COL22A1: variants seen among roughly 807,000 people sequenced by gnomAD.
COL22A1 encodes collagen alpha-1(XXII) chain.
Under a neutral mutation model 248.9 loss-of-function variants are expected in COL22A1, and 221 were observed. The observed-to-expected ratio is 0.89, with a 90% confidence interval of 0.80 to 0.99. COL22A1 has a LOEUF of 0.99. Ranked by LOEUF, COL22A1 falls within the 50% of genes least tolerant of loss-of-function variation. COL22A1 has a pLI of 0.00. For synonymous variants in COL22A1, 891 were observed against 793.4 expected, an observed-to-expected ratio of 1.12 and a Z score of -2.07; for missense variants, 2,240 against 2,179.0, an observed-to-expected ratio of 1.03 and a Z score of -0.56.
At chr8:138,715,594 A>G (rs1034749009) in intron 30 of COL22A1, 88 bp downstream of exon 30, 4 of 710,914 alleles carry the variant, frequency 5.6e-6, no homozygotes, top group African/African-American at 3.7e-5. Flanking sequence ...AAAAAAAAAG[A>G]TAGAGTATAT....
chr8:138,621,606 C>T (rs187685096), intron 52 of COL22A1, among the ~76,000 whole-genome samples: 15 of 152,292 alleles, frequency 9.8e-5, no homozygotes, highest in East Asian at 5.8e-4. Flanking sequence ...CAGTGAACTC[C>T]GGGGTCAGCC....
At chr8:138,625,578 A>G (rs1489381308) in intron 51 of COL22A1, among the ~76,000 whole-genome samples, 1 of 152,226 alleles carries the variant, frequency 6.6e-6, no homozygotes, top group Non-Finnish European at 1.5e-5. Context: ...ATTTTGCAGT[A>G]TGTGTCAAGA....
intron 22 of COL22A1, among the ~76,000 whole-genome samples, chr8:138,739,296 A>C (rs2131267978): frequency 1.3e-5 from 2 of 152,244 alleles, no homozygotes; most frequent in South Asian, 4.1e-4. Context: ...TGAATCTGCC[A>C]AATGCATTCC....
chr8:138,779,423 T>C, intron 14 of COL22A1, 86 bp downstream of exon 14: 1 of 867,908 alleles, frequency 1.2e-6, no homozygotes, highest in Admixed American at 1.9e-5. Context: ...TATCTGAGCA[T>C]CTCTTCTGCA....
chr8:138,616,016 C>T lies in COL22A1; in HGVS notation c.3909G>A (p.Gly1303=), dbSNP rs763437414. ...SGAMGLPGQE[G]LPGKDGDTGP... ...CCCCACTTACATCTTTTCCTGGTAA[C>T]CCTTCCTGACCAGGAAGCCCCATGG... Residue 1303 remains glycine (G), a synonymous_variant, in exon 55 of 65, where the codon GGG becomes GGA. Transcript: ENST00000303045. 1 of 1,613,552 alleles carries T rather than the reference C, an allele frequency of 6.2e-7. No homozygotes were observed. The highest frequency in any genetic ancestry group is 8.5e-7 in the Non-Finnish European group (1 of 1,179,656).
chr8:138,884,705 C>G (rs750606466), intron 1 of COL22A1, among the ~76,000 whole-genome samples: 1 of 152,092 alleles, frequency 6.6e-6, no homozygotes, highest in Non-Finnish European at 1.5e-5. Context: ...CTTGGAGTCA[C>G]GTGCCACCAC....
rs145335898 is a variant in COL22A1, at chr8:138,674,256, A to G, written c.3150+2302T>C. ...TTTGAGGCCCAGCACAAGATATGAC[A>G]CAGGACTTCTCAGCAAATGGCAATG... On this transcript the variant is annotated intron_variant, in intron 41 of 64. Coordinates refer to ENST00000303045, the MANE Select transcript of COL22A1 (RefSeq NM_152888.3). Among the ~76,000 whole-genome samples, 732 of 152,310 alleles carry G rather than the reference A, an allele frequency of 4.8e-3. 11 individuals are homozygous for G. The highest frequency in any genetic ancestry group is 0.017 in the African/African-American group (697 of 41,570).
intron 60 of COL22A1, among the ~76,000 whole-genome samples, chr8:138,600,138 A>G (rs1304414037): frequency 6.6e-6 from 1 of 152,188 alleles, no homozygotes; most frequent in Non-Finnish European, 1.5e-5. Context: ...TGATTTGGGA[A>G]CTATGGCAAG....
intron 46 of COL22A1, among the ~76,000 whole-genome samples, chr8:138,647,092 C>T (rs1044458340): frequency 2.0e-5 from 3 of 152,168 alleles, no homozygotes; most frequent in African/African-American, 4.8e-5. Flanking sequence ...TACCATCCCC[C>T]GCCCCCCACC....
chr8:138,857,000 C>T (rs1253604812), intron 3 of COL22A1, among the ~76,000 whole-genome samples: 2 of 152,254 alleles, frequency 1.3e-5, no homozygotes, highest in African/African-American at 4.8e-5. Context: ...TGTGCCTGCC[C>T]CTCTTTCTTT....
intron 21 of COL22A1, among the ~76,000 whole-genome samples, chr8:138,752,070 CTCAGGCAAG>C (rs1410052252): frequency 6.6e-6 from 1 of 152,196 alleles, no homozygotes; most frequent in East Asian, 1.9e-4. Flanking sequence ...GCCTCATGAG[CTCAGGCAAG>C]TCACTTGGTG....
chr8:138,619,429 G>A (rs186119058), intron 53 of COL22A1, 26 bp downstream of exon 53: 1,038 of 1,610,728 alleles, frequency 6.4e-4, no homozygotes, highest in African/African-American at 2.7e-3. Flanking sequence ...TGGTTCTACC[G>A]TTCCCCACAC....
chr8:138,621,136 GC>G (rs1351975053), intron 52 of COL22A1, among the ~76,000 whole-genome samples: 1 of 152,212 alleles, frequency 6.6e-6, no homozygotes, highest in Non-Finnish European at 1.5e-5. Flanking sequence ...AGCAGATGCT[GC>G]CATTTTCCAA....
Position 138,694,521 on chromosome 8 carries a change from G to T in COL22A1, c.2687C>A (p.Pro896His), listed in dbSNP as rs955138363. ...GRPGELGPQG[P>H]TGPPGAKGQE... ...TGGTTTTCTTACCGGTGGTCCAGTG[G>T]GTCCCTGAGGCCCCAATTCTCCAGG... Residue 896 changes from proline (P) to histidine (H), a missense_variant, in exon 34 of 65, where the codon CCC becomes CAC. Pro to His is a moderately conservative substitution (Grantham distance 77). Transcript: ENST00000303045. 6.2e-7 allele frequency: 1 copy of T among 1,613,970 alleles called. No individual in the cohort carries two copies. Among genetic ancestry groups the T allele is most frequent in the Non-Finnish European group, 8.5e-7 (1 of 1,179,974 alleles).
At chr8:138,882,483 C>T (rs905741145) in intron 2 of COL22A1, among the ~76,000 whole-genome samples, 2 of 150,164 alleles carry the variant, frequency 1.3e-5, no homozygotes, top group African/African-American at 4.9e-5. Context: ...ATACACACTC[C>T]CTCGAACTCC....
rs765975398 is a variant in COL22A1, at chr8:138,589,278, C to G, written c.4856G>C (p.Arg1619Pro). Residue 1619 changes from arginine (R) to proline (P), a missense_variant, in exon 65 of 65, where the codon CGG becomes CCG. Physicochemically the swap from Arg to Pro is moderately radical, Grantham distance 103. Transcript: ENST00000303045. The part of the protein sequence containing the change: ...QCAYFASLAA[R>P]PGNVKGP ...TTAGGGACCCTTCACATTACCCGGC[C>G]GGGCAGCAAGGCTGGCGAAGTAGGC... 6.2e-7 allele frequency: 1 copy of G among 1,613,854 alleles called. No individual in the cohort carries two copies. Among genetic ancestry groups the G allele is most frequent in the Non-Finnish European group, 8.5e-7 (1 of 1,179,888 alleles).
intron 56 of COL22A1, among the ~76,000 whole-genome samples, chr8:138,608,845 C>G (rs996862579): frequency 1.2e-4 from 19 of 152,296 alleles, no homozygotes; most frequent in African/African-American, 4.6e-4. Context: ...GCTCTCTTTC[C>G]CACCACGAGT....
At chr8:138,858,267 G>A (rs1309945182) in intron 3 of COL22A1, among the ~76,000 whole-genome samples, 1 of 152,188 alleles carries the variant, frequency 6.6e-6, no homozygotes, top group East Asian at 1.9e-4. Flanking sequence ...AAGTGGGCGA[G>A]AGAAAGTGCA....
In COL22A1 at chr8:138,678,362, A is replaced by G. The variant is rs536060709; in HGVS notation, c.3072+1255T>C. ...TCCCTCTGGGCCTCTGAGTCACACT[A>G]CCTGCTGTTTCTGGGTCCCTAGGAG... is the stretch of plus-strand genomic sequence containing the variant. On this transcript the variant is annotated intron_variant, in intron 40 of 64. Transcript: ENST00000303045. Among the ~76,000 whole-genome samples the G allele has an allele frequency of 3.9e-5, 6 of 152,212 alleles. No individual in the cohort carries two copies. In the South Asian group the frequency reaches 1.0e-3, roughly 26 times the overall value.
Sources: gnomAD v4.1 joint callset for allele counts (sites outside exome capture counted in the v4.1 genomes callset) on GRCh38, gnomAD v4.1.1 for gene constraint, MANE v1.5 for transcripts, NCBI Gene and HGNC (gene_info 2026-07-23, HGNC 2026-07-21) for gene names.